The following FRMD3 variants were observed in gnomAD, a reference collection of about 807,000 sequenced individuals.
FRMD3 encodes the protein FERM domain-containing protein 3.
A neutral mutation model predicts 70.2 loss-of-function variants in FRMD3; 33 were observed. The observed-to-expected ratio is 0.47, with a 90% confidence interval of 0.36 to 0.63. The LOEUF (loss-of-function observed/expected upper bound fraction) is 0.63. FRMD3 is among the 20% of genes least tolerant of loss of function. The pLI is 0.00. For missense variants in FRMD3, 632 were observed against 711.4 expected (o/e 0.89, Z 1.27); for synonymous variants, 279 against 255.9 (o/e 1.09, Z -0.86).
At chr9:83,258,734 T>A (rs1832843188) in intron 13 of FRMD3, among the ~76,000 whole-genome samples, 1 of 152,218 alleles carries the variant, frequency 6.6e-6, no homozygotes, top group Admixed American at 6.5e-5. Context: ...GTCTTTCCTA[T>A]GTGAAATCTG....
intron 3 of FRMD3, among the ~76,000 whole-genome samples, chr9:83,357,264 T>C (rs1209762182): frequency 0.01 from 708 of 67,856 alleles, 220 homozygotes; most frequent in African/African-American, 0.053. Context: ...TATATATATA[T>C]ATATATATAT....
chr9:83,266,289 G>A (rs9695210), intron 13 of FRMD3, among the ~76,000 whole-genome samples: 136,013 of 152,246 alleles, frequency 0.89, 61,309 homozygotes, highest in East Asian at 1. Flanking sequence ...AATCAATTTC[G>A]TCTCAATTCA....
At chr9:83,512,942 T>C (rs1829371259) in intron 1 of FRMD3, among the ~76,000 whole-genome samples, 1 of 152,080 alleles carries the variant, frequency 6.6e-6, no homozygotes, top group African/African-American at 2.4e-5. Context: ...TGGATCCCAG[T>C]CACACTGTGA....
At chr9:83,305,687 T>C (rs1363784911) in intron 10 of FRMD3, among the ~76,000 whole-genome samples, 1 of 152,198 alleles carries the variant, frequency 6.6e-6, no homozygotes, top group Non-Finnish European at 1.5e-5. Flanking sequence ...CCCTCCTTCC[T>C]CAGGAACAAG....
rs140396376 is a variant in FRMD3 at position 83,247,903 on chromosome 9, C to A, written c.*15G>T. ...TAGCATTGAATATAGCCCTTAGTCA[C>A]GTGAGAGATTAACTTCATGAGCAAC... On this transcript the variant is annotated 3_prime_UTR_variant, in exon 14 of 14. Transcript: ENST00000304195. 3.1e-6 allele frequency: 5 copies of A among 1,611,436 alleles called. No homozygotes were observed. The highest frequency in any genetic ancestry group is 4.2e-6 in the Non-Finnish European group (5 of 1,178,190).
At chr9:83,518,704 A>C (rs1829505266) in intron 1 of FRMD3, among the ~76,000 whole-genome samples, 2 of 152,154 alleles carry the variant, frequency 1.3e-5, no homozygotes, top group Admixed American at 6.5e-5. Context: ...GCAAAAAAAA[A>C]CAAAGCTGGA....
chr9:83,304,763 T>C (rs1314133364), intron 10 of FRMD3, among the ~76,000 whole-genome samples: 1 of 152,184 alleles, frequency 6.6e-6, no homozygotes, highest in Admixed American at 6.5e-5. Flanking sequence ...CCAGTGTGCT[T>C]TCAGTGAACC....
intron 2 of FRMD3, among the ~76,000 whole-genome samples, chr9:83,388,733 G>C (rs1217777642): frequency 6.6e-6 from 1 of 152,138 alleles, no homozygotes; most frequent in Non-Finnish European, 1.5e-5. Flanking sequence ...TGCCCAAGGA[G>C]CTGCTTCTGA....
At chr9:83,248,885 A>C (rs955680463) in intron 13 of FRMD3, among the ~76,000 whole-genome samples, 9 of 152,206 alleles carry the variant, frequency 5.9e-5, no homozygotes, top group African/African-American at 2.2e-4. Flanking sequence ...CACCCGATAT[A>C]TTATAGTAAA....
chr9:83,300,684 A>G (rs1366063737), intron 10 of FRMD3, among the ~76,000 whole-genome samples: 1 of 152,236 alleles, frequency 6.6e-6, no homozygotes, highest in African/African-American at 2.4e-5. Flanking sequence ...CCCAAAAGGT[A>G]TTGAAATTTT....
chr9:83,414,363 A>G (rs1826369869), intron 1 of FRMD3, among the ~76,000 whole-genome samples: 1 of 152,248 alleles, frequency 6.6e-6, no homozygotes, highest in African/African-American at 2.4e-5. Flanking sequence ...CATCAATGTG[A>G]AAGGTAAAAC....
intron 2 of FRMD3, among the ~76,000 whole-genome samples, chr9:83,380,065 C>T (rs987050383): frequency 2.0e-5 from 3 of 152,180 alleles, no homozygotes; most frequent in Admixed American, 6.5e-5. Flanking sequence ...TCAAACCAGA[C>T]CTAAAACAGC....
intron 4 of FRMD3, among the ~76,000 whole-genome samples, chr9:83,346,786 CG>C (rs1450307551): frequency 6.6e-6 from 1 of 152,106 alleles, no homozygotes; most frequent in Non-Finnish European, 1.5e-5. Context: ...ACCCAACTGC[CG>C]GAGGTTTCTG....
At chr9:83,508,228 T>G (rs567051463) in intron 1 of FRMD3, among the ~76,000 whole-genome samples, 1 of 152,244 alleles carries the variant, frequency 6.6e-6, no homozygotes, top group South Asian at 2.1e-4. Flanking sequence ...AGCACTAACC[T>G]ATGATGTCAG....
chr9:83,442,322 A>G (rs1827324935), intron 1 of FRMD3, among the ~76,000 whole-genome samples: 1 of 141,928 alleles, frequency 7.0e-6, no homozygotes. Flanking sequence ...CAGTGGTGCG[A>G]TCTCAGCTCA....
At chr9:83,476,721 C>A (rs1401118560) in intron 1 of FRMD3, among the ~76,000 whole-genome samples, 1 of 152,186 alleles carries the variant, frequency 6.6e-6, no homozygotes, top group African/African-American at 2.4e-5. Flanking sequence ...TGGGTTCCCA[C>A]AGCCAGAGTG....
chr9:83,528,834 C>T (rs1430738465), intron 1 of FRMD3, among the ~76,000 whole-genome samples: 1 of 152,100 alleles, frequency 6.6e-6, no homozygotes, highest in East Asian at 1.9e-4. Flanking sequence ...AGCAATTCTT[C>T]AGCATGTTGG....
intron 2 of FRMD3, among the ~76,000 whole-genome samples, chr9:83,388,322 G>A (rs1187186977): frequency 1.3e-5 from 2 of 152,174 alleles, no homozygotes; most frequent in Non-Finnish European, 2.9e-5. Context: ...GGAAAGAGGA[G>A]ACAGGAAGAT....
intron 13 of FRMD3, among the ~76,000 whole-genome samples, chr9:83,267,657 T>C (rs1041476058): frequency 3.9e-5 from 6 of 152,222 alleles, no homozygotes; most frequent in Non-Finnish European, 7.3e-5. Flanking sequence ...TTAATTTTAA[T>C]AATGTGTTTT....
Sources: allele counts gnomAD v4.1 joint callset (sites outside exome capture counted in the v4.1 genomes callset), GRCh38; gene constraint gnomAD v4.1.1; transcripts MANE v1.5; gene names NCBI Gene and HGNC (gene_info 2026-07-23, HGNC 2026-07-21).